Variants in CUX1 observed in about 807,000 individuals in gnomAD.
CUX1 encodes the protein cut like homeobox 1.
CUX1 carries 31 observed loss-of-function variants against 158.8 expected under a neutral mutation model. The ratio of observed to expected loss-of-function variants is 0.20; its 90% CI spans 0.15 to 0.26. The LOEUF is 0.26. CUX1 is among the 10% of genes least tolerant of loss of function. The pLI is 1.00. For missense variants in CUX1, 1,589 were observed against 2,014.6 expected (o/e 0.79, Z 4.04); for synonymous variants, 879 against 862.1 (o/e 1.02, Z -0.34).
At chr7:101,890,947 G>T (rs1202543785) in intron 1 of CUX1, among the ~76,000 whole-genome samples, 1 of 151,586 alleles carries the variant, frequency 6.6e-6, no homozygotes, top group Admixed American at 6.6e-5. Context: ...ACTTAAGTAG[G>T]ATGTCTTAAT....
At chr7:102,104,250 C>T in intron 5 of CUX1, 86 bp from the exon 6 acceptor site, 1 of 1,334,876 alleles carries the variant, frequency 7.5e-7, no homozygotes, top group Non-Finnish European at 1.0e-6. Context: ...CACACCGATC[C>T]TACCAGGTTA....
At chr7:102,119,320 T>C (rs560166181) in intron 8 of CUX1, among the ~76,000 whole-genome samples, 45 of 152,298 alleles carry the variant, frequency 3.0e-4, no homozygotes, top group Admixed American at 2.6e-4. Flanking sequence ...CGCAGGTCTG[T>C]GGTACTGAGG....
chr7:102,064,038 CAT>C (rs1212397984), intron 3 of CUX1, among the ~76,000 whole-genome samples: 1 of 152,170 alleles, frequency 6.6e-6, no homozygotes, highest in African/African-American at 2.4e-5. Context: ...GGAAATTGCT[CAT>C]GTGTTCTGGG....
chr7:101,871,713 G>A (rs1243000357), intron 1 of CUX1, among the ~76,000 whole-genome samples: 1 of 152,136 alleles, frequency 6.6e-6, no homozygotes, highest in African/African-American at 2.4e-5. Context: ...CCTCGCACAG[G>A]AAAGGGCTGT....
At chr7:102,260,936 C>T (rs1790360020), downstream of CUX1, among the ~76,000 whole-genome samples, 1 of 152,252 alleles carries the variant, frequency 6.6e-6, no homozygotes, top group Non-Finnish European at 1.5e-5. Context: ...CTGGTGTCTA[C>T]TTCAGCTCAT....
chr7:102,160,038 G>A (rs1441572924), intron 9 of CUX1, among the ~76,000 whole-genome samples: 6 of 151,388 alleles, frequency 4.0e-5, no homozygotes, highest in East Asian at 2.0e-4. Flanking sequence ...AAAATTAGCC[G>A]GGTGCGGTGA....
chr7:102,246,135 C>T (rs918028925), intron 23 of CUX1, among the ~76,000 whole-genome samples: 2 of 152,128 alleles, frequency 1.3e-5, no homozygotes, highest in African/African-American at 2.4e-5. Context: ...GGTTTTGGGT[C>T]GGGCTGGGAC....
At chr7:102,082,433 G>A (rs1554479093) in intron 4 of CUX1, among the ~76,000 whole-genome samples, 2 of 146,976 alleles carry the variant, frequency 1.4e-5, no homozygotes, top group Non-Finnish European at 3.1e-5. Context: ...GGCTGACGCA[G>A]GAGAATTACT....
At chr7:102,209,517 AG>A (rs1796320151) in intron 20 of CUX1, among the ~76,000 whole-genome samples, 1 of 152,232 alleles carries the variant, frequency 6.6e-6, no homozygotes, top group African/African-American at 2.4e-5. Flanking sequence ...ACAAATCTTC[AG>A]ATCAGTTACC....
chr7:101,936,724 T>A (rs1241135206), intron 2 of CUX1, among the ~76,000 whole-genome samples: 3 of 152,034 alleles, frequency 2.0e-5, no homozygotes, highest in Non-Finnish European at 2.9e-5. Flanking sequence ...AGCCCTGCCA[T>A]CCCCACCGGC....
At chr7:101,914,565 C>G (rs990117541) in intron 1 of CUX1, among the ~76,000 whole-genome samples, 2 of 151,316 alleles carry the variant, frequency 1.3e-5, no homozygotes, top group Non-Finnish European at 2.9e-5. Context: ...GTGGCGTGAT[C>G]TCGGCTCACT....
intron 2 of CUX1, among the ~76,000 whole-genome samples, chr7:102,013,636 C>T (rs1266241126): frequency 6.6e-6 from 1 of 152,218 alleles, no homozygotes; most frequent in Non-Finnish European, 1.5e-5. Flanking sequence ...TTTTCTGTGG[C>T]TAGTCACTCC....
chr7:101,816,534 G>C (rs1791814202), upstream of CUX1, among the ~76,000 whole-genome samples: 1 of 142,040 alleles, frequency 7.0e-6, no homozygotes. Flanking sequence ...GCGGGCGGCG[G>C]CGGGCGCCGG....
intron 6 of CUX1, among the ~76,000 whole-genome samples, chr7:102,109,064 G>A (rs1040381348): frequency 1.3e-5 from 2 of 152,072 alleles, no homozygotes; most frequent in East Asian, 3.8e-4. Flanking sequence ...ATTGTTGATG[G>A]ATCTAGGATT....
At position 101,869,637 on chromosome 7, in the gene CUX1, C is replaced by A. The variant is rs1258078535; in HGVS notation, c.31-46478C>A. Among the ~76,000 whole-genome samples, 1 of 152,042 alleles carries A rather than the reference C, an allele frequency of 6.6e-6. No homozygotes were observed. The highest frequency in any genetic ancestry group is 1.9e-4 in the East Asian group (1 of 5,178). On this transcript the variant is annotated intron_variant, in intron 1 of 23. Transcript: ENST00000292535. This position sits in a 1 kb window ranked among gnomAD's most constrained non-coding sequence, Gnocchi z 4.5. ...AGGCGGCCAGCAGGGCGGGAGGAGGCGTTGGTGTGCACACGCGGGGAGCCT... is the reference window on the plus strand; with the variant it reads ...AGGCGGCCAGCAGGGCGGGAGGAGGAGTTGGTGTGCACACGCGGGGAGCCT...
At chr7:101,893,005 A>G (rs996274875) in intron 1 of CUX1, among the ~76,000 whole-genome samples, 2 of 151,952 alleles carry the variant, frequency 1.3e-5, no homozygotes, top group Admixed American at 1.3e-4. Context: ...AACTCTTAAG[A>G]GAGGAGAGAA....
intron 14 of CUX1, among the ~76,000 whole-genome samples, chr7:102,272,925 C>G (rs1304562662): frequency 6.6e-6 from 1 of 152,174 alleles, no homozygotes; most frequent in Non-Finnish European, 1.5e-5. Flanking sequence ...TCTCCTACCC[C>G]CAGGCTTCCC....
rs538958247 is a variant in CUX1 at position 102,229,959 on chromosome 7, G to A, written c.3433+2290G>A. On this transcript the variant is annotated intron_variant, in intron 21 of 23. Transcript: ENST00000292535. Reference sequence around the variant, plus strand: ...CATTTTAAACCACCGTGCTCCTCCAGTGTGGTGTTAACCAGGCAGGGTTCC... The same window carrying A: ...CATTTTAAACCACCGTGCTCCTCCAATGTGGTGTTAACCAGGCAGGGTTCC... 4.6e-5 allele frequency among the ~76,000 whole-genome samples: 7 copies of A among 152,320 alleles called. No individual in the cohort carries two copies. The East Asian group carries it at 9.6e-4, about 21-fold the overall frequency.
intron 14 of CUX1, among the ~76,000 whole-genome samples, chr7:102,271,350 G>A (rs1357035420): frequency 6.6e-6 from 1 of 152,112 alleles, no homozygotes; most frequent in African/African-American, 2.4e-5. Flanking sequence ...CCTTGGTCCA[G>A]GACCTTCACC....
Sources: allele counts gnomAD v4.1 joint callset (sites outside exome capture counted in the v4.1 genomes callset), GRCh38; gene constraint gnomAD v4.1.1; non-coding constraint Gnocchi (gnomAD v3.1); transcripts MANE v1.5; gene names NCBI Gene and HGNC (gene_info 2026-07-23, HGNC 2026-07-21).